KLF15: variants seen among roughly 807,000 people sequenced by gnomAD.
KLF15 encodes Krueppel-like factor 15.
KLF15 carries 4 observed loss-of-function variants against 24.6 expected under a neutral mutation model. That is an observed-to-expected ratio of 0.16 (90% CI 0.08 to 0.37). The LOEUF (loss-of-function observed/expected upper bound fraction) is 0.37, where lower values mean the gene tolerates loss of function less well. KLF15 is among the 10% of genes least tolerant of loss of function. The probability of loss-of-function intolerance (pLI) is 1.00; values close to 1 mark genes in which losing one functional copy is unlikely to be tolerated. For synonymous variants in KLF15, 246 were observed against 236.3 expected, an observed-to-expected ratio of 1.04 and a Z score of -0.37; for missense variants, 496 against 560.6, an observed-to-expected ratio of 0.88 and a Z score of 1.16.
At chr3:126,330,753 T>C in the KLF15 span, among the ~76,000 whole-genome samples, 12 of 152,242 alleles carry the variant, frequency 7.9e-5, no homozygotes, top group Non-Finnish European at 1.5e-4. Flanking sequence ...TGTGTGTTTA[T>C]GGTTGCTTCT....
At chr3:126,323,412 T>TATAAC in the KLF15 span, among the ~76,000 whole-genome samples, 1 of 34,266 alleles carries the variant, frequency 2.9e-5, no homozygotes, top group African/African-American at 1.7e-4. Context: ...GTTATATATA[T>TATAAC]ATATATATAT....
chr3:126,300,887 G>A, the KLF15 span, among the ~76,000 whole-genome samples: 8 of 152,322 alleles, frequency 5.3e-5, no homozygotes, highest in East Asian at 1.9e-4. Context: ...CGGAGGGTCC[G>A]CTGAACGTCA....
At chr3:126,296,606 G>A in the KLF15 span, among the ~76,000 whole-genome samples, 1 of 152,254 alleles carries the variant, frequency 6.6e-6, no homozygotes, top group Non-Finnish European at 1.5e-5. Context: ...CACCTAGCAT[G>A]TCTAGGGCTA....
At chr3:126,354,948 G>T (rs1046223110) in intron 1 of KLF15, among the ~76,000 whole-genome samples, 1 of 152,256 alleles carries the variant, frequency 6.6e-6, no homozygotes, top group Non-Finnish European at 1.5e-5. Flanking sequence ...AATTCCGTGA[G>T]CTGACGCTCA....
chr3:126,321,515 G>T, the KLF15 span, among the ~76,000 whole-genome samples: 1 of 152,242 alleles, frequency 6.6e-6, no homozygotes, highest in Admixed American at 6.5e-5. Context: ...ACACATGCAT[G>T]CAGTCCAGAG....
chr3:126,290,360 C>G, the KLF15 span, among the ~76,000 whole-genome samples: 126 of 152,300 alleles, frequency 8.3e-4, no homozygotes, highest in African/African-American at 2.8e-3. Flanking sequence ...GGACCCCACC[C>G]CAGCCCAGCC....
chr3:126,334,413 A>C, the KLF15 span, among the ~76,000 whole-genome samples: 3 of 134,234 alleles, frequency 2.2e-5, no homozygotes, highest in South Asian at 8.8e-4. Context: ...TCTGGGATGC[A>C]TTCAAAGCAG....
At chr3:126,332,143 A>G in the KLF15 span, among the ~76,000 whole-genome samples, 1 of 152,214 alleles carries the variant, frequency 6.6e-6, no homozygotes, top group Admixed American at 6.5e-5. Flanking sequence ...AAAAGACAGC[A>G]GTAACCTCTG....
the KLF15 span, among the ~76,000 whole-genome samples, chr3:126,327,201 C>T: frequency 6.6e-6 from 1 of 152,252 alleles, no homozygotes; most frequent in African/African-American, 2.4e-5. Context: ...CTTTTGTGCC[C>T]TTGACACTTC....
At chr3:126,323,447 T>TTA in the KLF15 span, among the ~76,000 whole-genome samples, 66 of 52,190 alleles carry the variant, frequency 1.3e-3, 3 homozygotes, top group African/African-American at 3.7e-3. Flanking sequence ...CATATATATG[T>TTA]TATATATATA....
the KLF15 span, among the ~76,000 whole-genome samples, chr3:126,307,315 G>A: frequency 6.6e-6 from 1 of 152,184 alleles, no homozygotes; most frequent in Non-Finnish European, 1.5e-5. Flanking sequence ...CCTCCAGCAT[G>A]GGGCCTGAAA....
At chr3:126,322,361 T>A in the KLF15 span, among the ~76,000 whole-genome samples, 1 of 152,180 alleles carries the variant, frequency 6.6e-6, no homozygotes, top group Non-Finnish European at 1.5e-5. Flanking sequence ...CTTCCCCAGC[T>A]TCCAGAGGTG....
the KLF15 span, among the ~76,000 whole-genome samples, chr3:126,293,192 G>T: frequency 2.0e-5 from 3 of 150,926 alleles, no homozygotes; most frequent in Admixed American, 6.6e-5. Context: ...GTGCACACTT[G>T]TAGTCTCAGC....
the KLF15 span, among the ~76,000 whole-genome samples, chr3:126,289,995 G>T: frequency 6.6e-6 from 1 of 152,204 alleles, no homozygotes; most frequent in African/African-American, 2.4e-5. Context: ...GGAATGGTCA[G>T]TTATGTGTTC....
the KLF15 span, among the ~76,000 whole-genome samples, chr3:126,313,013 A>G: frequency 1.3e-5 from 2 of 152,170 alleles, no homozygotes; most frequent in Non-Finnish European, 2.9e-5. Flanking sequence ...CAAAATTCAT[A>G]TATCTAAGTC....
chr3:126,316,547 G>C, the KLF15 span, among the ~76,000 whole-genome samples: 1 of 24,662 alleles, frequency 4.1e-5, no homozygotes, highest in African/African-American at 3.1e-4. Flanking sequence ...GGGCCGGAGT[G>C]GGGAAGAGGG....
chr3:126,329,252 A>G, the KLF15 span, among the ~76,000 whole-genome samples: 2 of 152,280 alleles, frequency 1.3e-5, no homozygotes, highest in Non-Finnish European at 1.5e-5. Context: ...TATGTACTTG[A>G]GTTATTTTCT....
chr3:126,323,476 T>A, the KLF15 span, among the ~76,000 whole-genome samples: 2 of 42,438 alleles, frequency 4.7e-5, no homozygotes, highest in African/African-American at 2.3e-4. Context: ...ATATATGTTA[T>A]ATATATATAT....
At chr3:126,309,270 T>C in the KLF15 span, among the ~76,000 whole-genome samples, 2 of 152,244 alleles carry the variant, frequency 1.3e-5, no homozygotes, top group Non-Finnish European at 2.9e-5. Context: ...GTGGAAGGAC[T>C]GTACACAGCC....
Sources: gnomAD v4.1 joint callset for allele counts (sites outside exome capture counted in the v4.1 genomes callset) on GRCh38, gnomAD v4.1.1 for gene constraint, MANE v1.5 for transcripts, NCBI Gene and HGNC (gene_info 2026-07-23, HGNC 2026-07-21) for gene names.